Variants in PARD3 observed in about 807,000 individuals in gnomAD.
PARD3 encodes partitioning defective 3 homolog.
A neutral mutation model predicts 155.4 loss-of-function variants in PARD3; 75 were observed. The ratio of observed to expected loss-of-function variants is 0.48; its 90% CI spans 0.40 to 0.58. The LOEUF is 0.58. PARD3 is among the 20% of genes least tolerant of loss of function. PARD3 has a pLI of 0.00. For synonymous variants in PARD3, 576 were observed against 610.5 expected (o/e 0.94, Z 0.83); for missense variants, 1,642 against 1,721.7 (o/e 0.95, Z 0.82).
chr10:34,129,681 TTTTTGTAATGTCAAGCCTC>T lies in PARD3; in HGVS notation c.3540+1763_3540+1781del, dbSNP rs1376344380. On this transcript the variant is annotated intron_variant, in intron 23 of 24. Transcript: ENST00000374788. ...CTTCCTCAAATCAAATGTTCCTTTT[TTTTTGTAATGTCAAGCCTC>T]TTTTTTTTTTTTTTTTTTGAGCCAG... is the stretch of plus-strand genomic sequence containing the variant. 9.2e-3 allele frequency among the ~76,000 whole-genome samples: 849 copies of T among 92,256 alleles called. 22 individuals carry two copies. The highest frequency in any genetic ancestry group is 0.015 in the Non-Finnish European group (570 of 36,934). 60.5% of individuals were successfully genotyped at this position (92,256 alleles called of 152,430 possible). A position where few individuals can be genotyped will look rare whatever the true frequency, so the allele number is the denominator to read the frequency against.
chr10:34,388,877 T>C (rs1398897523), intron 7 of PARD3, among the ~76,000 whole-genome samples: 1 of 152,156 alleles, frequency 6.6e-6, no homozygotes, highest in Non-Finnish European at 1.5e-5. Flanking sequence ...CCAGATTTGT[T>C]ATGCTAGGAC....
chr10:34,163,454 A>C (rs1949379613), intron 22 of PARD3, among the ~76,000 whole-genome samples: 1 of 152,204 alleles, frequency 6.6e-6, no homozygotes, highest in Non-Finnish European at 1.5e-5. Context: ...GTTAAATAGA[A>C]AGGAATGTCG....
chr10:34,537,271 T>C (rs1264281245), intron 2 of PARD3, among the ~76,000 whole-genome samples: 1 of 152,232 alleles, frequency 6.6e-6, no homozygotes, highest in Non-Finnish European at 1.5e-5. Context: ...CCCAAAGCAC[T>C]GGGATGAGCC....
chr10:34,312,206 A>C, intron 20 of PARD3: 1 of 1,461,138 alleles, frequency 6.8e-7, no homozygotes, highest in Non-Finnish European at 9.3e-7. Context: ...TAAGGAAATT[A>C]CTAAACCATC....
chr10:34,490,145 C>T (rs1047566320), intron 3 of PARD3, among the ~76,000 whole-genome samples: 4 of 152,168 alleles, frequency 2.6e-5, no homozygotes, highest in African/African-American at 7.2e-5. Context: ...ATTAGCTGAA[C>T]TCAACCACAC....
chr10:34,439,201 G>A (rs1321162305), intron 5 of PARD3, among the ~76,000 whole-genome samples: 1 of 152,138 alleles, frequency 6.6e-6, no homozygotes, highest in Non-Finnish European at 1.5e-5. Flanking sequence ...TAAAAATGGT[G>A]GTGGGAACCA....
intron 1 of PARD3, among the ~76,000 whole-genome samples, chr10:34,777,713 A>C (rs1839760649): frequency 7.1e-6 from 1 of 141,190 alleles, no homozygotes; most frequent in Non-Finnish European, 1.5e-5. Flanking sequence ...TTTTTTTTTT[A>C]AGAGATGGGG....
intron 2 of PARD3, among the ~76,000 whole-genome samples, chr10:34,692,137 C>G (rs1178423628): frequency 6.6e-6 from 1 of 151,210 alleles, no homozygotes; most frequent in African/African-American, 2.4e-5. Context: ...GAGGCTGAGG[C>G]AGGAAAATCA....
At chr10:34,418,856 C>T (rs1262506443) in intron 5 of PARD3, among the ~76,000 whole-genome samples, 1 of 152,098 alleles carries the variant, frequency 6.6e-6, no homozygotes, top group African/African-American at 2.4e-5. Context: ...CTGCAGCCTC[C>T]ACCTCTTGGG....
At chr10:34,692,993 A>T (rs1267865803) in intron 2 of PARD3, among the ~76,000 whole-genome samples, 1 of 152,236 alleles carries the variant, frequency 6.6e-6, no homozygotes, top group Non-Finnish European at 1.5e-5. Context: ...AATCAAAACC[A>T]CAATGAGACA....
chr10:34,478,275 G>A (rs2078843213), intron 3 of PARD3, among the ~76,000 whole-genome samples: 1 of 152,140 alleles, frequency 6.6e-6, no homozygotes, highest in African/African-American at 2.4e-5. Flanking sequence ...CATAGTTTAA[G>A]GGCTAGGTCA....
chr10:34,113,308 A>C (rs907190271), intron 24 of PARD3, among the ~76,000 whole-genome samples: 2 of 152,156 alleles, frequency 1.3e-5, no homozygotes, highest in Admixed American at 1.3e-4. Flanking sequence ...TCCCCGGAAG[A>C]CACAGTCTTT....
chr10:34,405,548 C>T (rs1844375832), intron 5 of PARD3, among the ~76,000 whole-genome samples: 1 of 152,064 alleles, frequency 6.6e-6, no homozygotes, highest in Non-Finnish European at 1.5e-5. Context: ...ATGCTATATA[C>T]AATCAAGTAC....
intron 2 of PARD3, among the ~76,000 whole-genome samples, chr10:34,596,183 A>G (rs2089233619): frequency 6.6e-6 from 1 of 152,164 alleles, no homozygotes; most frequent in Non-Finnish European, 1.5e-5. Flanking sequence ...CTGTGGAAAT[A>G]ACTTTGGGAG....
chr10:34,610,931 C>T (rs1270873107), intron 2 of PARD3, among the ~76,000 whole-genome samples: 2 of 152,106 alleles, frequency 1.3e-5, no homozygotes, highest in Non-Finnish European at 2.9e-5. Flanking sequence ...ATTTTCAGCT[C>T]TTAATGATTT....
intron 1 of PARD3, among the ~76,000 whole-genome samples, chr10:34,720,250 A>G (rs1432089113): frequency 2.0e-5 from 3 of 152,200 alleles, no homozygotes; most frequent in Non-Finnish European, 4.4e-5. Context: ...CCTGGCCAAC[A>G]TGGCGAAACC....
At chr10:34,554,880 A>C (rs2084865009) in intron 2 of PARD3, among the ~76,000 whole-genome samples, 1 of 152,222 alleles carries the variant, frequency 6.6e-6, no homozygotes, top group Non-Finnish European at 1.5e-5. Context: ...TCGAATACTA[A>C]AATACTGAGA....
chr10:34,724,350 G>C (rs983079841), intron 1 of PARD3, among the ~76,000 whole-genome samples: 2 of 152,096 alleles, frequency 1.3e-5, no homozygotes, highest in African/African-American at 4.8e-5. Context: ...CTACCCTCTT[G>C]CAGTGGTGAA....
intron 2 of PARD3, among the ~76,000 whole-genome samples, chr10:34,608,540 T>TTA (rs1389255143): frequency 2.7e-5 from 4 of 149,408 alleles, no homozygotes; most frequent in Non-Finnish European, 5.9e-5. Context: ...AATACTTTTT[T>TTA]TTTTTTTTTT....
Sources: gnomAD v4.1 joint callset for allele counts (sites outside exome capture counted in the v4.1 genomes callset) on GRCh38, gnomAD v4.1.1 for gene constraint, MANE v1.5 for transcripts, NCBI Gene and HGNC (gene_info 2026-07-23, HGNC 2026-07-21) for gene names.